The following PITPNM2 variants were observed in gnomAD, a reference collection of about 807,000 sequenced individuals.
PITPNM2 encodes phosphatidylinositol transfer protein membrane associated 2.
In PITPNM2, 35 loss-of-function variants were observed where a neutral mutation model predicts 132.2. The observed-to-expected ratio is 0.26, with a 90% CI of 0.20 to 0.35. The LOEUF is 0.35. Ranked by LOEUF, PITPNM2 falls within the 10% of genes least tolerant of loss-of-function variation. The pLI, the probability that PITPNM2 is intolerant of heterozygous loss-of-function variation, is 1.00. For missense variants in PITPNM2, 1,332 were observed against 1,912.0 expected, an observed-to-expected ratio of 0.70 and a Z score of 5.66; for synonymous variants, 738 against 799.2, an observed-to-expected ratio of 0.92 and a Z score of 1.29.
chr12:123,034,584 T>C lies in PITPNM2; in HGVS notation c.7A>G (p.Ile3Val), dbSNP rs1268739349. 1 of 1,614,178 alleles carries C rather than the reference T, an allele frequency of 6.2e-7. No individual in the cohort carries two copies. The highest frequency in any genetic ancestry group is 1.7e-5 in the Admixed American group (1 of 60,026). Residue 3 changes from isoleucine (I) to valine (V), a missense_variant, in exon 3 of 26, where the codon ATA (isoleucine) becomes GTA (valine). Coordinates refer to ENST00000320201, the MANE Select transcript of PITPNM2 (RefSeq NM_020845.3). ...GGCAGAGGAATCCGATATTCCTTTATAATCATCTTGGAGTCCAAGCCTTCC... is the reference window on the plus strand; with the variant it reads ...GGCAGAGGAATCCGATATTCCTTTACAATCATCTTGGAGTCCAAGCCTTCC... Reference protein sequence around the residue: MIIKEYRIPLPMT... With the variant: MIVKEYRIPLPMT...
intron 1 of PITPNM2, among the ~76,000 whole-genome samples, chr12:123,128,916 C>T (rs1043003557): frequency 6.6e-6 from 1 of 152,018 alleles, no homozygotes; most frequent in East Asian, 1.9e-4. Flanking sequence ...GGGCGTATCA[C>T]CTGAGGTCAG....
chr12:122,986,944 G>T, intron 23 of PITPNM2, 115 bp from the exon 24 acceptor site: 1 of 1,294,346 alleles, frequency 7.7e-7, no homozygotes, highest in Non-Finnish European at 1.0e-6. Context: ...ATTGAGCTCA[G>T]ACAGTAACGA....
intron 2 of PITPNM2, among the ~76,000 whole-genome samples, chr12:123,070,355 G>C (rs940070812): frequency 1.3e-5 from 2 of 152,178 alleles, no homozygotes; most frequent in African/African-American, 4.8e-5. Flanking sequence ...ATAGTGAAGG[G>C]GTTTGAGCTG....
chr12:123,049,546 A>C (rs901190558), intron 2 of PITPNM2, among the ~76,000 whole-genome samples: 22 of 152,094 alleles, frequency 1.4e-4, no homozygotes, highest in African/African-American at 5.1e-4. Flanking sequence ...AGGCCAGGGA[A>C]CAGCTGCTCC....
At chr12:123,052,192 G>A (rs1333276471) in intron 2 of PITPNM2, among the ~76,000 whole-genome samples, 1 of 149,424 alleles carries the variant, frequency 6.7e-6, no homozygotes, top group Non-Finnish European at 1.5e-5. Flanking sequence ...CTCCCAAAGT[G>A]CTGGAATTAC....
At chr12:123,068,932 A>C (rs2041535531) in intron 2 of PITPNM2, among the ~76,000 whole-genome samples, 1 of 152,196 alleles carries the variant, frequency 6.6e-6, no homozygotes, top group Non-Finnish European at 1.5e-5. Context: ...GAGCTGCTTT[A>C]GAAACACCCA....
At position 123,000,620 on chromosome 12, in the gene PITPNM2, A is replaced by G; in HGVS notation, c.1224+158T>C. ...CGCCTTCCTAGCAGGGCAGCAAAAA[A>G]GGAGGCCCAGGCCTCTCCCCAGACA... On this transcript the variant is annotated intron_variant, in intron 10 of 25. Transcript: ENST00000320201. This position sits in a 1 kb window ranked among gnomAD's most constrained non-coding sequence, Gnocchi z 5.4. 1.2e-6 allele frequency: 1 copy of G among 806,378 alleles called. No homozygotes were observed. The highest frequency in any genetic ancestry group is 2.0e-6 in the Non-Finnish European group (1 of 506,592). The allele number at this position is 806,378 out of a possible 1,614,324, so 50.0% of individuals were successfully genotyped here.
intron 2 of PITPNM2, among the ~76,000 whole-genome samples, chr12:123,068,403 GC>G (rs1227726573): frequency 6.6e-6 from 1 of 151,884 alleles, no homozygotes; most frequent in South Asian, 2.1e-4. Flanking sequence ...AGCCAAGATT[GC>G]CCCACTGCAC....
chr12:123,013,718 G>A, intron 4 of PITPNM2, 110 bp downstream of exon 4: 2 of 1,265,588 alleles, frequency 1.6e-6, no homozygotes, highest in South Asian at 1.4e-5. Context: ...GTTATGGGTT[G>A]TTGAACCTGC....
rs771687194 is a variant in PITPNM2 at position 122,986,174 on chromosome 12, G to C, written c.3903C>G (p.Pro1301=). The stretch of plus-strand genomic sequence containing the variant: ...GCTCGTGCCGGTGGCTGGGCCCGCT[G>C]GGCTGGGCCGAGATGGTGCGAAGCA... ...NHLLRTISAQ[P]SGPSHRHERT... Residue 1301 remains proline (P), a synonymous_variant, in exon 26 of 26, where the codon CCC becomes CCG. Coordinates refer to ENST00000320201, the MANE Select transcript of PITPNM2 (RefSeq NM_020845.3). 11 of 1,542,720 alleles carry C rather than the reference G, an allele frequency of 7.1e-6. 1 individual carries two copies. In the South Asian group the frequency reaches 1.2e-4, roughly 17 times the overall value.
intron 2 of PITPNM2, among the ~76,000 whole-genome samples, chr12:123,094,629 C>G (rs555040591): frequency 2.6e-5 from 4 of 152,346 alleles, no homozygotes; most frequent in South Asian, 4.1e-4. Context: ...TCTCCTCCCC[C>G]ACAGGACCAT....
chr12:123,116,265 A>G (rs888501569), intron 1 of PITPNM2, among the ~76,000 whole-genome samples: 1 of 152,232 alleles, frequency 6.6e-6, no homozygotes, highest in Admixed American at 6.5e-5. Context: ...CACAATAGCC[A>G]AAAGGTGGGC....
In PITPNM2 at chr12:123,000,775, C is replaced by T. The variant is rs201055159; in HGVS notation, c.1224+3G>A. The T allele has an allele frequency of 8.7e-6, 14 of 1,613,814 alleles. No homozygotes were observed. The highest frequency in any genetic ancestry group is 5.3e-5 in the African/African-American group (4 of 74,938). ...CCTGTCCCTCTGACACCCGGGCACC[C>T]ACCTCTATGATGTTCAGCTGCTCCA... On this transcript the variant is annotated splice_donor_region_variant and intron_variant, in intron 10 of 25. Transcript: ENST00000320201. The surrounding 1 kb of genome is among the most constrained non-coding windows in gnomAD (Gnocchi z 5.4).
chr12:123,009,831 C>G lies in PITPNM2; in HGVS notation c.643+19G>C. ...GTTGGGTAGCCCAGCCACTGCCCAC[C>G]TGGCATGGGTGTGCTCACCGGTGTC... is the stretch of plus-strand genomic sequence containing the variant. On this transcript the variant is annotated intron_variant, in intron 6 of 25. Coordinates refer to ENST00000320201, the MANE Select transcript of PITPNM2 (RefSeq NM_020845.3). The surrounding 1 kb of genome is among the most constrained non-coding windows in gnomAD (Gnocchi z 4.8). 1 of 1,610,416 alleles carries G rather than the reference C, an allele frequency of 6.2e-7. No homozygotes were observed. Among genetic ancestry groups the G allele is most frequent in the Admixed American group, 1.7e-5 (1 of 59,986 alleles).
intron 2 of PITPNM2, among the ~76,000 whole-genome samples, chr12:123,093,486 G>GCACACACACACACGCGCA (rs2042324910): frequency 1.3e-5 from 2 of 150,100 alleles, no homozygotes; most frequent in African/African-American, 4.9e-5. Context: ...ACACACACGC[G>GCACACACACACACGCGCA]CACACACACA....
In PITPNM2 at chr12:123,023,927, T is replaced by C. The variant is rs1323991418; in HGVS notation, c.79-9885A>G. On this transcript the variant is annotated intron_variant, in intron 3 of 25. Coordinates refer to ENST00000320201, the MANE Select transcript of PITPNM2 (RefSeq NM_020845.3). The surrounding 1 kb of genome is among the most constrained non-coding windows in gnomAD (Gnocchi z 4.8). ...CAAAATATATACAGAACTCCTCCAATGCAACAACAGAGAAACAACAACCCC... is the reference window on the plus strand; with the variant it reads ...CAAAATATATACAGAACTCCTCCAACGCAACAACAGAGAAACAACAACCCC... Among the ~76,000 whole-genome samples, 2 of 152,158 alleles carry C rather than the reference T, an allele frequency of 1.3e-5. No individual in the cohort carries two copies. The highest frequency in any genetic ancestry group is 2.9e-5 in the Non-Finnish European group (2 of 68,032).
chr12:123,110,773 A>G (rs1462674526), intron 1 of PITPNM2, among the ~76,000 whole-genome samples: 1 of 152,214 alleles, frequency 6.6e-6, no homozygotes, highest in Non-Finnish European at 1.5e-5. Context: ...CACACACCAT[A>G]AGCCATCCTA....
At chr12:123,021,816 T>A (rs1253656773) in intron 3 of PITPNM2, 1 of 575,428 alleles carries the variant, frequency 1.7e-6, no homozygotes, top group East Asian at 1.4e-4. Context: ...TGGTCTCTGA[T>A]AAGTTAACCT....
intron 2 of PITPNM2, among the ~76,000 whole-genome samples, chr12:123,107,748 T>G (rs1424728222): frequency 1.3e-5 from 2 of 152,178 alleles, no homozygotes; most frequent in Non-Finnish European, 2.9e-5. Flanking sequence ...CCTGCCATTT[T>G]CTAGGGGAGG....
Sources: allele counts gnomAD v4.1 joint callset (sites outside exome capture counted in the v4.1 genomes callset), GRCh38; gene constraint gnomAD v4.1.1; non-coding constraint Gnocchi (gnomAD v3.1); transcripts MANE v1.5; gene names NCBI Gene and HGNC (gene_info 2026-07-23, HGNC 2026-07-21).